The following TSPAN7 variants were observed in gnomAD, a reference collection of about 807,000 sequenced individuals.
TSPAN7 encodes tetraspanin-7.
A neutral mutation model predicts 17.6 loss-of-function variants in TSPAN7; 1 was observed. The observed-to-expected ratio is 0.06, with a 90% CI of 0.02 to 0.27. TSPAN7 has a LOEUF of 0.27. TSPAN7 is among the 10% of genes least tolerant of loss of function. TSPAN7 has a pLI of 1.00. For missense variants in TSPAN7, 112 were observed against 201.7 expected, an observed-to-expected ratio of 0.56 and a Z score of 2.69; for synonymous variants, 78 against 79.0, an observed-to-expected ratio of 0.99 and a Z score of 0.07.
chrX:38,629,582 A>C (rs1424448275), intron 1 of TSPAN7, among the ~76,000 whole-genome samples: 1 of 111,563 alleles, frequency 9.0e-6, no homozygotes, highest in Non-Finnish European at 1.9e-5. Flanking sequence ...AAGACTCACC[A>C]CTTTAGAGCA....
At chrX:38,586,976 G>A (rs971856583) in intron 1 of TSPAN7, among the ~76,000 whole-genome samples, 2 of 112,511 alleles carry the variant, frequency 1.8e-5, no homozygotes, top group Non-Finnish European at 3.8e-5. Flanking sequence ...TACATAATAG[G>A]TTTTGTAATA....
At chrX:38,685,403 T>C (rs1296720091) in intron 6 of TSPAN7, among the ~76,000 whole-genome samples, 1 of 112,073 alleles carries the variant, frequency 8.9e-6, no homozygotes, top group Non-Finnish European at 1.9e-5. Flanking sequence ...GCACATCACT[T>C]GAGCCCAGGA....
chrX:38,643,016 A>G (rs1333279547), intron 1 of TSPAN7, among the ~76,000 whole-genome samples: 1 of 111,107 alleles, frequency 9.0e-6, no homozygotes, highest in Non-Finnish European at 1.9e-5. Flanking sequence ...AATGGGATGG[A>G]GAGTGGGGAA....
chrX:38,614,992 C>CTT (rs5902195), intron 1 of TSPAN7, among the ~76,000 whole-genome samples: 2 of 104,497 alleles, frequency 1.9e-5, no homozygotes, highest in African/African-American at 6.9e-5. Flanking sequence ...CAGATTTATT[C>CTT]TTTTTTTTTT....
chrX:38,571,942 G>T (rs966613454), intron 1 of TSPAN7, among the ~76,000 whole-genome samples: 1 of 111,304 alleles, frequency 9.0e-6, no homozygotes, highest in Non-Finnish European at 1.9e-5. Context: ...CACTTAATTG[G>T]TCTTTGGCAA....
At chrX:38,614,925 T>C (rs1418665306) in intron 1 of TSPAN7, among the ~76,000 whole-genome samples, 2 of 112,090 alleles carry the variant, frequency 1.8e-5, no homozygotes, top group Middle Eastern at 9.1e-3. Context: ...TGCAACTGTA[T>C]GGAGTCACTG....
At chrX:38,575,315 A>C (rs2147397101) in intron 1 of TSPAN7, among the ~76,000 whole-genome samples, 1 of 112,081 alleles carries the variant, frequency 8.9e-6, no homozygotes, top group Non-Finnish European at 1.9e-5. Context: ...AGAAACTATG[A>C]GATAATAAAT....
chrX:38,600,937 A>T (rs1223729681), intron 1 of TSPAN7, among the ~76,000 whole-genome samples: 1 of 111,600 alleles, frequency 9.0e-6, no homozygotes, highest in Middle Eastern at 4.2e-3. Flanking sequence ...TTTAAGCCAA[A>T]CTGTGACCTC....
At chrX:38,567,623 C>T (rs763660659) in intron 1 of TSPAN7, among the ~76,000 whole-genome samples, 3 of 112,483 alleles carry the variant, frequency 2.7e-5, no homozygotes, top group Non-Finnish European at 5.6e-5. Context: ...CACTGAATGT[C>T]TATTACATGT....
chrX:38,606,759 A>T (rs1170520719), intron 1 of TSPAN7, among the ~76,000 whole-genome samples: 1 of 112,167 alleles, frequency 8.9e-6, no homozygotes, highest in Non-Finnish European at 1.9e-5. Flanking sequence ...CAGAGGAAGT[A>T]TTTTTAAATG....
chrX:38,668,415 T>C (rs1010913165), intron 2 of TSPAN7, among the ~76,000 whole-genome samples: 2 of 112,426 alleles, frequency 1.8e-5, no homozygotes, highest in African/African-American at 6.5e-5. Context: ...ACTACCATTT[T>C]CTTCTCCTAA....
chrX:38,603,298 A>G (rs898161169), intron 1 of TSPAN7, among the ~76,000 whole-genome samples: 3 of 112,132 alleles, frequency 2.7e-5, no homozygotes, highest in African/African-American at 9.7e-5. Context: ...ACCCTAATAC[A>G]TCGCTGGTGG....
chrX:38,587,416 A>G (rs1287454429), intron 1 of TSPAN7, among the ~76,000 whole-genome samples: 1 of 111,929 alleles, frequency 8.9e-6, no homozygotes, highest in African/African-American at 3.2e-5. Context: ...TAAGTGTATA[A>G]TTTGATGAGT....
intron 5 of TSPAN7, among the ~76,000 whole-genome samples, chrX:38,678,275 A>G (rs367556556): frequency 1.8e-5 from 2 of 112,065 alleles, no homozygotes; most frequent in South Asian, 7.5e-4. Flanking sequence ...CTTGGCAGTT[A>G]CAGAGATACC....
intron 1 of TSPAN7, among the ~76,000 whole-genome samples, chrX:38,593,150 T>A (rs1423724859): frequency 9.0e-6 from 1 of 111,285 alleles, no homozygotes; most frequent in East Asian, 2.8e-4. Flanking sequence ...CTTCCATATG[T>A]AACTTTTTTT....
chrX:38,677,553 T>C (rs373591153), intron 5 of TSPAN7, among the ~76,000 whole-genome samples: 3 of 112,088 alleles, frequency 2.7e-5, no homozygotes, highest in South Asian at 3.7e-4. Flanking sequence ...TTTCATTTCA[T>C]TGATAAACCT....
chrX:38,686,288 G>A (rs1226084599), intron 6 of TSPAN7, among the ~76,000 whole-genome samples: 1 of 112,226 alleles, frequency 8.9e-6, no homozygotes, highest in Non-Finnish European at 1.9e-5. Flanking sequence ...GATAAGAGAT[G>A]AGAACTGGAA....
At chrX:38,649,354 A>C (rs2069663514) in intron 1 of TSPAN7, among the ~76,000 whole-genome samples, 1 of 112,517 alleles carries the variant, frequency 8.9e-6, no homozygotes, top group Admixed American at 9.4e-5. Context: ...GATCCTGCCA[A>C]TGCCATTGGA....
At chrX:38,582,203 G>T (rs750745112) in intron 1 of TSPAN7, among the ~76,000 whole-genome samples, 3 of 112,347 alleles carry the variant, frequency 2.7e-5, no homozygotes, top group Non-Finnish European at 3.8e-5. Context: ...AGAAAGTCTC[G>T]TTTTAAAAAA....
Sources: allele counts gnomAD v4.1 joint callset (sites outside exome capture counted in the v4.1 genomes callset), GRCh38; gene constraint gnomAD v4.1.1; transcripts MANE v1.5; gene names NCBI Gene and HGNC (gene_info 2026-07-23, HGNC 2026-07-21).